Variants in COL26A1 observed in about 807,000 individuals in gnomAD.
The protein encoded by COL26A1 is collagen type XXVI alpha 1 chain.
Under a neutral mutation model 59.3 loss-of-function variants are expected in COL26A1, and 41 were observed. The observed-to-expected ratio is 0.69, with a 90% CI of 0.54 to 0.90. COL26A1 has a LOEUF of 0.90. Among genes scored for constraint, COL26A1 ranks in the 40% least tolerant of loss-of-function variants. COL26A1 has a pLI of 0.00. For synonymous variants in COL26A1, 266 were observed against 256.0 expected (o/e 1.04, Z -0.37); for missense variants, 612 against 602.3 (o/e 1.02, Z -0.17).
At chr7:101,546,812 T>A (rs1407304056) in intron 7 of COL26A1, among the ~76,000 whole-genome samples, 2 of 151,924 alleles carry the variant, frequency 1.3e-5, no homozygotes, top group African/African-American at 4.8e-5. Flanking sequence ...GCCAGTTGGG[T>A]GCAGCAGGAT....
intron 3 of COL26A1, among the ~76,000 whole-genome samples, chr7:101,451,182 C>A (rs1793329251): frequency 7.2e-6 from 1 of 139,142 alleles, no homozygotes; most frequent in Admixed American, 7.4e-5. Context: ...TAATATATAT[C>A]TCAATAATTA....
rs115466246 is a variant in COL26A1, at chr7:101,377,538, C to T, written c.158+14348C>T. Among the ~76,000 whole-genome samples, 912 of 152,224 alleles carry T rather than the reference C, an allele frequency of 6.0e-3. 12 individuals are homozygous for T. Among genetic ancestry groups the T allele is most frequent in the African/African-American group, 0.021 (879 of 41,544 alleles). ...ACTGTCTGGACTCAAGTGATCCTTC[C>T]ACCTTAGCCTCTCGAGTAGGTGGAA... On this transcript the variant is annotated intron_variant, in intron 1 of 12. Transcript: ENST00000313669.
At position 101,362,905 on chromosome 7, in the gene COL26A1, G is replaced by C; in HGVS notation, c.-128G>C. The C allele has an allele frequency of 1.0e-6, 1 of 965,914 alleles. No homozygotes were observed. Among genetic ancestry groups the C allele is most frequent in the Non-Finnish European group, 1.4e-6 (1 of 690,134 alleles). 59.8% of individuals were successfully genotyped at this position (965,914 alleles called of 1,614,324 possible). On this transcript the variant is annotated 5_prime_UTR_variant, in exon 1 of 13. Coordinates refer to ENST00000313669, the MANE Select transcript of COL26A1 (RefSeq NM_001278563.3). ...CCACACATTTCCAGCTCGCACCCGGGCTCCGACCGCTCGCCCCGCTCCTCT... is the reference window on the plus strand; with the variant it reads ...CCACACATTTCCAGCTCGCACCCGGCCTCCGACCGCTCGCCCCGCTCCTCT...
At chr7:101,387,774 A>ATTTTTTTTTTTTTTTT (rs1185449488) in intron 1 of COL26A1, among the ~76,000 whole-genome samples, 26 of 48,894 alleles carry the variant, frequency 5.3e-4, no homozygotes, top group Non-Finnish European at 8.2e-4. Flanking sequence ...ATATATATAT[A>ATTTTTTTTTTTTTTTT]TATATTTTTT....
chr7:101,445,753 A>AAG (rs1562983466), intron 2 of COL26A1, among the ~76,000 whole-genome samples: 2 of 137,210 alleles, frequency 1.5e-5, no homozygotes, highest in African/African-American at 2.8e-5. Context: ...AAAAAAAAAA[A>AAG]AGAGAGTGAG....
At chr7:101,451,898 G>A (rs1332345697) in intron 3 of COL26A1, among the ~76,000 whole-genome samples, 2 of 151,882 alleles carry the variant, frequency 1.3e-5, no homozygotes, top group African/African-American at 4.8e-5. Flanking sequence ...GTAGAGATGG[G>A]GTTTCACCAT....
intron 2 of COL26A1, among the ~76,000 whole-genome samples, chr7:101,424,206 A>G (rs1309366020): frequency 6.6e-6 from 1 of 152,184 alleles, no homozygotes; most frequent in Non-Finnish European, 1.5e-5. Flanking sequence ...GTCTGAAAAT[A>G]AATAAATAAA....
At chr7:101,436,444 G>A (rs1792916555) in intron 2 of COL26A1, among the ~76,000 whole-genome samples, 1 of 152,150 alleles carries the variant, frequency 6.6e-6, no homozygotes, top group African/African-American at 2.4e-5. Flanking sequence ...TGGAGGCCAG[G>A]GGAGGAGTCG....
At chr7:101,433,708 G>A (rs960200737) in intron 2 of COL26A1, among the ~76,000 whole-genome samples, 8 of 152,062 alleles carry the variant, frequency 5.3e-5, no homozygotes, top group Non-Finnish European at 5.9e-5. Flanking sequence ...TGGAGAAGCC[G>A]AGCAGGGTGG....
rs143678963 is a variant in COL26A1, at chr7:101,381,938, A to G, written c.158+18748A>G. 5.3e-5 allele frequency among the ~76,000 whole-genome samples: 8 copies of G among 152,348 alleles called. No homozygotes were observed. The East Asian group carries it at 1.5e-3, about 29-fold the overall frequency. On this transcript the variant is annotated intron_variant, in intron 1 of 12. Coordinates refer to ENST00000313669, the MANE Select transcript of COL26A1 (RefSeq NM_001278563.3). ...GGGTTGCACTGATCTTAGGCTCCAAAAAGAATTAAGACTGAAAGTGGCTTT... is the reference window on the plus strand; with the variant it reads ...GGGTTGCACTGATCTTAGGCTCCAAGAAGAATTAAGACTGAAAGTGGCTTT...
chr7:101,551,893 G>T (rs1467845898), intron 10 of COL26A1, among the ~76,000 whole-genome samples: 1 of 152,240 alleles, frequency 6.6e-6, no homozygotes, highest in Non-Finnish European at 1.5e-5. Flanking sequence ...GCTGGCCACA[G>T]TGGAGGTGCT....
At position 101,479,399 on chromosome 7, in the gene COL26A1, A is replaced by G. The variant is rs138764826; in HGVS notation, c.385+31612A>G. Among the ~76,000 whole-genome samples, 508 of 152,338 alleles carry G rather than the reference A, an allele frequency of 3.3e-3. 8 individuals carry two copies. The East Asian group carries it at 0.044, about 13-fold the overall frequency. On this transcript the variant is annotated intron_variant, in intron 3 of 12. Transcript: ENST00000313669. ...CTTGAATGATGGTTTAGCTGGGTATAAAATTCTGGGTTGACAGTTATATTT... is the reference window on the plus strand; with the variant it reads ...CTTGAATGATGGTTTAGCTGGGTATGAAATTCTGGGTTGACAGTTATATTT...
intron 9 of COL26A1, 130 bp from the exon 10 acceptor site, chr7:101,550,978 C>T (rs944711386): frequency 1.7e-5 from 18 of 1,037,794 alleles, no homozygotes; most frequent in South Asian, 2.8e-5. Context: ...CCGTGCCGGC[C>T]GGGCCATCCT....
At chr7:101,494,289 G>A (rs1347349881) in intron 3 of COL26A1, among the ~76,000 whole-genome samples, 1 of 152,010 alleles carries the variant, frequency 6.6e-6, no homozygotes, top group Non-Finnish European at 1.5e-5. Context: ...ACCATGCCCG[G>A]CTAATTTTTG....
At chr7:101,494,465 A>G (rs1794538011) in intron 3 of COL26A1, among the ~76,000 whole-genome samples, 2 of 152,204 alleles carry the variant, frequency 1.3e-5, no homozygotes, top group African/African-American at 4.8e-5. Flanking sequence ...CTACATTCAT[A>G]ATAGGAAGAG....
intron 3 of COL26A1, among the ~76,000 whole-genome samples, chr7:101,528,190 G>A (rs751702111): frequency 6.6e-6 from 1 of 152,056 alleles, no homozygotes; most frequent in East Asian, 1.9e-4. Flanking sequence ...CAAGCAGGGT[G>A]CCCAGTGCCA....
At chr7:101,362,713 G>A, upstream of COL26A1, 1 of 411,748 alleles carries the variant, frequency 2.4e-6, no homozygotes, top group South Asian at 3.3e-5. Context: ...CGGGGTGTTA[G>A]GCTCCAGGGA....
At chr7:101,379,432 G>T (rs560342892) in intron 1 of COL26A1, among the ~76,000 whole-genome samples, 2 of 152,266 alleles carry the variant, frequency 1.3e-5, no homozygotes, top group Non-Finnish European at 2.9e-5. Flanking sequence ...TGTGCTCCTG[G>T]TCTCTCTTGG....
intron 1 of COL26A1, among the ~76,000 whole-genome samples, chr7:101,383,191 C>T (rs79202493): frequency 0.023 from 3,511 of 152,038 alleles, 149 homozygotes; most frequent in African/African-American, 0.079. Context: ...TGTTCCTTGC[C>T]ATTTATAAAC....
Sources: gnomAD v4.1 joint callset for allele counts (sites outside exome capture counted in the v4.1 genomes callset) on GRCh38, gnomAD v4.1.1 for gene constraint, MANE v1.5 for transcripts, NCBI Gene and HGNC (gene_info 2026-07-23, HGNC 2026-07-21) for gene names.